ARMH1: variants seen among roughly 807,000 people sequenced by gnomAD.
ARMH1 encodes armadillo-like helical domain containing protein 1.
Under a neutral mutation model 50.2 loss-of-function variants are expected in ARMH1, and 34 were observed. That is an observed-to-expected ratio of 0.68 (90% CI 0.51 to 0.90). The LOEUF is 0.90. Among genes scored for constraint, ARMH1 ranks in the 40% least tolerant of loss-of-function variants. ARMH1 has a pLI of 0.00. For missense variants in ARMH1, 538 were observed against 553.9 expected, an observed-to-expected ratio of 0.97 and a Z score of 0.29; for synonymous variants, 221 against 224.2, an observed-to-expected ratio of 0.99 and a Z score of 0.13.
At chr1:44,693,457 T>C (rs1645724017) in intron 2 of ARMH1, among the ~76,000 whole-genome samples, 2 of 152,160 alleles carry the variant, frequency 1.3e-5, no homozygotes, top group Admixed American at 1.3e-4. Context: ...GTTGTTGTTG[T>C]TGTCTGAGAC....
At chr1:44,721,852 T>A (rs563780566) in intron 6 of ARMH1, 41 of 152,184 alleles carry the variant, frequency 2.7e-4, no homozygotes, top group Non-Finnish European at 5.1e-4. Context: ...TCCACGGAAA[T>A]CTTTAGTAAA....
intron 2 of ARMH1, among the ~76,000 whole-genome samples, 198 bp downstream of exon 2, chr1:44,690,101 C>T (rs1211224198): frequency 1.3e-5 from 2 of 152,038 alleles, no homozygotes; most frequent in African/African-American, 4.8e-5. Flanking sequence ...GCCTGTAACC[C>T]CAACTACTCA....
intron 6 of ARMH1, among the ~76,000 whole-genome samples, chr1:44,706,632 C>T (rs574717442): frequency 1.2e-3 from 186 of 152,304 alleles, no homozygotes; most frequent in Middle Eastern, 6.8e-3. Flanking sequence ...GTTATTCCTT[C>T]AGCAACATTG....
chr1:44,679,184 G>A (rs4660822), intron 1 of ARMH1, among the ~76,000 whole-genome samples: 67,724 of 151,600 alleles, frequency 0.45, 15,839 homozygotes, highest in African/African-American at 0.58. Flanking sequence ...TTTTTGCACC[G>A]TTTTCTCTCT....
intron 6 of ARMH1, chr1:44,721,734 C>A (rs535048109): frequency 6.6e-6 from 1 of 151,932 alleles, no homozygotes; most frequent in South Asian, 2.1e-4. Flanking sequence ...CCCCAACCTC[C>A]CAAAGCATGA....
At chr1:44,722,117 C>A (rs926781922) in intron 6 of ARMH1, among the ~76,000 whole-genome samples, 10 of 152,196 alleles carry the variant, frequency 6.6e-5, no homozygotes, top group African/African-American at 2.4e-4. Context: ...ACAATGCATT[C>A]TGGGATGCAA....
At chr1:44,716,029 G>A (rs886326458) in intron 6 of ARMH1, among the ~76,000 whole-genome samples, 3 of 152,102 alleles carry the variant, frequency 2.0e-5, no homozygotes, top group African/African-American at 7.2e-5. Context: ...CCTCCTCCTT[G>A]AATACTCTCA....
chr1:44,708,483 G>A (rs1049215300), intron 6 of ARMH1, among the ~76,000 whole-genome samples: 2 of 152,146 alleles, frequency 1.3e-5, no homozygotes, highest in Non-Finnish European at 2.9e-5. Flanking sequence ...GTGTTTGCTT[G>A]TTTGCACTGA....
At chr1:44,675,959 C>CA (rs1172129470) in intron 1 of ARMH1, among the ~76,000 whole-genome samples, 26 of 149,616 alleles carry the variant, frequency 1.7e-4, no homozygotes, top group Middle Eastern at 3.4e-3. Flanking sequence ...GACTCTGTCT[C>CA]AAAAAAAAAG....
chr1:44,702,020 G>C (rs1168493314), intron 5 of ARMH1, among the ~76,000 whole-genome samples: 1 of 152,142 alleles, frequency 6.6e-6, no homozygotes, highest in Non-Finnish European at 1.5e-5. Context: ...TGGGAGGATC[G>C]TGTGAGCCCA....
intron 2 of ARMH1, among the ~76,000 whole-genome samples, chr1:44,693,437 T>C (rs1187694075): frequency 6.6e-6 from 1 of 152,174 alleles, no homozygotes; most frequent in Admixed American, 6.5e-5. Flanking sequence ...ATTCATCTCA[T>C]CATGGATTTG....
chr1:44,692,252 C>T (rs1645681827), intron 2 of ARMH1, among the ~76,000 whole-genome samples: 1 of 152,110 alleles, frequency 6.6e-6, no homozygotes, highest in African/African-American at 2.4e-5. Context: ...AAGACCTCAT[C>T]TCTATAAAAA....
At position 44,707,957 on chromosome 1, in the gene ARMH1, G is replaced by A. The variant is rs546350457; in HGVS notation, c.724+3784G>A. Among the ~76,000 whole-genome samples the A allele has an allele frequency of 5.3e-5, 8 of 152,110 alleles. No individual in the cohort carries two copies. The East Asian group carries it at 7.7e-4, about 15-fold the overall frequency. ...GATATACCAGACTCATAACAGGTGCGCACAAAAAAAATGTCTGTTGAATGA... is the reference window on the plus strand; with the variant it reads ...GATATACCAGACTCATAACAGGTGCACACAAAAAAAATGTCTGTTGAATGA... On this transcript the variant is annotated intron_variant, in intron 6 of 11. Transcript: ENST00000535358.
At chr1:44,714,509 C>G (rs1241639254) in intron 6 of ARMH1, among the ~76,000 whole-genome samples, 4 of 150,794 alleles carry the variant, frequency 2.7e-5, no homozygotes, top group African/African-American at 9.8e-5. Context: ...CCCTTGAACC[C>G]GGGAGGCGGA....
rs562203198 is a variant in ARMH1, at chr1:44,709,411, G to A, written c.724+5238G>A. 2.8e-3 allele frequency among the ~76,000 whole-genome samples: 432 copies of A among 152,324 alleles called. 2 individuals carry two copies. Among genetic ancestry groups the A allele is most frequent in the African/African-American group, 9.9e-3 (411 of 41,568 alleles). On this transcript the variant is annotated intron_variant, in intron 6 of 11. Coordinates refer to ENST00000535358, the MANE Select transcript of ARMH1 (RefSeq NM_001145636.2). ...ATCTCAGGCAGGCGCGGTGGCTCAC[G>A]CCTTTAATCCCAGCACTTTGGGAGG...
chr1:44,720,908 G>A (rs1383082546), intron 6 of ARMH1, among the ~76,000 whole-genome samples: 5 of 151,952 alleles, frequency 3.3e-5, no homozygotes, highest in African/African-American at 7.3e-5. Context: ...GTGGTGGTGC[G>A]CACCTGTAAT....
chr1:44,698,123 TG>T lies in ARMH1; in HGVS notation c.339del (p.Leu114Ter). 6.4e-7 allele frequency: 1 copy of T among 1,552,242 alleles called. No homozygotes were observed. ...GGVLTLLEIL[G>X]LEKIKEEAKK... ...GTGTCCTAACCCTCTTGGAAATACT[TG>T]GGCTAGAGAAGATCAAGGAGGAGGC... is the stretch of plus-strand genomic sequence containing the variant. On this transcript the variant is annotated frameshift_variant, in exon 4 of 12. Transcript: ENST00000535358. LOFTEE classifies it high-confidence loss of function.
At chr1:44,680,681 G>A (rs914082067) in intron 1 of ARMH1, among the ~76,000 whole-genome samples, 1 of 152,172 alleles carries the variant, frequency 6.6e-6, no homozygotes. Flanking sequence ...GGGAAGATGG[G>A]AAGATTGAAG....
At chr1:44,700,050 G>A (rs1645996435) in intron 4 of ARMH1, among the ~76,000 whole-genome samples, 2 of 151,798 alleles carry the variant, frequency 1.3e-5, no homozygotes, top group Admixed American at 6.6e-5. Context: ...GGCTGGTCTC[G>A]AACTCCTGAA....
Sources: allele counts gnomAD v4.1 joint callset (sites outside exome capture counted in the v4.1 genomes callset), GRCh38; gene constraint gnomAD v4.1.1; transcripts MANE v1.5; gene names NCBI Gene and HGNC (gene_info 2026-07-23, HGNC 2026-07-21).